The following METTL15 variants were observed in gnomAD, a reference collection of about 807,000 sequenced individuals.
METTL15 encodes methyltransferase 15, mitochondrial 12S rRNA N4-cytidine.
A neutral mutation model predicts 38.3 loss-of-function variants in METTL15; 34 were observed. That is an observed-to-expected ratio of 0.89 (90% CI 0.68 to 1.18). The LOEUF (loss-of-function observed/expected upper bound fraction) is 1.18, where lower values mean the gene tolerates loss of function less well. Ranked by LOEUF, METTL15 falls within the 50% of genes most tolerant of loss-of-function variation. METTL15 has a pLI of 0.00. For synonymous variants in METTL15, 162 were observed against 170.9 expected (o/e 0.95, Z 0.41); for missense variants, 438 against 498.4 (o/e 0.88, Z 1.15).
intron 6 of METTL15, among the ~76,000 whole-genome samples, chr11:28,459,791 G>A (rs1851199224): frequency 6.6e-6 from 1 of 152,080 alleles, no homozygotes; most frequent in African/African-American, 2.4e-5. Flanking sequence ...AGAACCAGTT[G>A]GAGATAAGTG....
intron 3 of METTL15, among the ~76,000 whole-genome samples, chr11:28,344,302 A>G (rs1400934642): frequency 1.3e-5 from 2 of 152,196 alleles, no homozygotes; most frequent in Non-Finnish European, 2.9e-5. Flanking sequence ...TAATTATGAG[A>G]TAATAACCTG....
chr11:28,504,461 G>A (rs754637571), intron 6 of METTL15, among the ~76,000 whole-genome samples: 3 of 152,146 alleles, frequency 2.0e-5, no homozygotes, highest in Non-Finnish European at 4.4e-5. Context: ...AAAGCCATTA[G>A]AAATCTGGAT....
intron 3 of METTL15, among the ~76,000 whole-genome samples, chr11:28,348,312 A>T (rs1411334317): frequency 6.6e-6 from 1 of 152,104 alleles, no homozygotes; most frequent in Non-Finnish European, 1.5e-5. Context: ...TTCCTTCCAC[A>T]TTTATTGGAA....
intron 4 of METTL15, 93 bp from the exon 5 acceptor site, chr11:28,290,113 A>G: frequency 9.7e-7 from 1 of 1,030,960 alleles, no homozygotes; most frequent in South Asian, 1.9e-5. Flanking sequence ...AAATCATGTA[A>G]TAATAGAATG....
intron 3 of METTL15, among the ~76,000 whole-genome samples, chr11:28,135,978 T>C (rs1040282589): frequency 2.0e-5 from 3 of 152,214 alleles, no homozygotes; most frequent in African/African-American, 7.2e-5. Context: ...ATGAGTCCTG[T>C]ATGTTTCTCT....
At chr11:28,338,997 G>T (rs1296810935) in intron 3 of METTL15, among the ~76,000 whole-genome samples, 2 of 152,102 alleles carry the variant, frequency 1.3e-5, no homozygotes, top group African/African-American at 4.8e-5. Context: ...AGGCAGCTGA[G>T]AAACTAAGAG....
intron 2 of METTL15, among the ~76,000 whole-genome samples, chr11:28,111,492 T>C (rs1851717083): frequency 6.6e-6 from 1 of 152,222 alleles, no homozygotes; most frequent in South Asian, 2.1e-4. Context: ...TGTCGGTTCC[T>C]TAATAAAATG....
intron 5 of METTL15, among the ~76,000 whole-genome samples, chr11:28,413,129 T>G (rs1322700997): frequency 6.6e-6 from 1 of 152,078 alleles, no homozygotes; most frequent in African/African-American, 2.4e-5. Context: ...ATAAGTGGTT[T>G]TCCATCTTTG....
rs549354336 is a variant in METTL15, at chr11:28,391,667, TACAACTATCTGATCTTTGGCAAACCTG to T, written c.*358+29636_*358+29662del. Among the ~76,000 whole-genome samples the T allele has an allele frequency of 2.4e-4, 36 of 152,292 alleles. No individual in the cohort carries two copies. In the East Asian group the frequency reaches 6.8e-3, roughly 29 times the overall value. ...GCCCTCGGAAATAACACCGCTTATC[TACAACTATCTGATCTTTGGCAAACCTG>T]ACAAAAACAAGAAATGGGGAAAGGA... On this transcript the variant is annotated intron_variant and NMD_transcript_variant, in intron 5 of 7. Coordinates refer to the METTL15 transcript ENST00000532947.
intron 4 of METTL15, among the ~76,000 whole-genome samples, chr11:28,248,955 T>C (rs925500527): frequency 6.6e-6 from 1 of 152,048 alleles, no homozygotes; most frequent in Non-Finnish European, 1.5e-5. Flanking sequence ...CTTCACCCTT[T>C]CTTTGTTATT....
At chr11:28,287,957 C>T (rs550091428) in intron 4 of METTL15, among the ~76,000 whole-genome samples, 19 of 152,208 alleles carry the variant, frequency 1.2e-4, no homozygotes. Flanking sequence ...CTATGTGACC[C>T]TGCATGGCAA....
At position 28,415,805 on chromosome 11, in the gene METTL15, T is replaced by A. The variant is rs117565298; in HGVS notation, c.*359-8494T>A. On this transcript the variant is annotated intron_variant and NMD_transcript_variant, in intron 5 of 7. Transcript: ENST00000532947. ...TCTAGGGAGCTGTAGTAGCCAGGAT[T>A]CTTGATGTTAGAAAATAGAATCCAT... Among the ~76,000 whole-genome samples the A allele has an allele frequency of 1.7e-3, 260 of 152,264 alleles. 4 individuals carry two copies. The East Asian group carries it at 0.045, about 26-fold the overall frequency.
At chr11:28,252,072 A>G (rs1423220449) in intron 4 of METTL15, among the ~76,000 whole-genome samples, 1 of 152,116 alleles carries the variant, frequency 6.6e-6, no homozygotes, top group Non-Finnish European at 1.5e-5. Context: ...TGCTCAACTG[A>G]TATTTATTTG....
chr11:28,356,139 C>T (rs561306968), intron 4 of METTL15, among the ~76,000 whole-genome samples: 1 of 152,340 alleles, frequency 6.6e-6, no homozygotes, highest in East Asian at 1.9e-4. Context: ...GAGGTCTTCC[C>T]TGGCCTTCTA....
chr11:28,248,796 T>C (rs1333923573), intron 4 of METTL15, among the ~76,000 whole-genome samples: 1 of 152,022 alleles, frequency 6.6e-6, no homozygotes, highest in East Asian at 1.9e-4. Flanking sequence ...GTATTTTTAT[T>C]TATCCCATTT....
downstream of METTL15, among the ~76,000 whole-genome samples, chr11:28,531,073 C>T (rs1011072960): frequency 1.3e-5 from 2 of 151,838 alleles, no homozygotes; most frequent in Non-Finnish European, 2.9e-5. Context: ...TTTCTAACTG[C>T]ATTTGTACTT....
chr11:28,432,777 T>C (rs913829362), intron 6 of METTL15, among the ~76,000 whole-genome samples: 1 of 152,220 alleles, frequency 6.6e-6, no homozygotes, highest in Admixed American at 6.5e-5. Context: ...CAGCTGTTCT[T>C]GTTAATTAGG....
intron 6 of METTL15, among the ~76,000 whole-genome samples, chr11:28,435,899 T>C (rs1357084251): frequency 5.3e-5 from 8 of 152,226 alleles, no homozygotes; most frequent in African/African-American, 9.6e-5. Flanking sequence ...TTGAGAGTTA[T>C]ATTGCTCCCT....
chr11:28,201,610 G>GGTGT (rs71050951), intron 3 of METTL15, among the ~76,000 whole-genome samples: 1 of 145,564 alleles, frequency 6.9e-6, no homozygotes, highest in African/African-American at 2.6e-5. Flanking sequence ...GTCTTGGGAG[G>GGTGT]GTGTGTGTGT....
Sources: gnomAD v4.1 joint callset for allele counts (sites outside exome capture counted in the v4.1 genomes callset) on GRCh38, gnomAD v4.1.1 for gene constraint, MANE v1.5 for transcripts, NCBI Gene and HGNC (gene_info 2026-07-23, HGNC 2026-07-21) for gene names.